The following MYO1F variants were observed in gnomAD, a reference collection of about 807,000 sequenced individuals.
The protein encoded by MYO1F is myosin IF.
Under a neutral mutation model 146.6 loss-of-function variants are expected in MYO1F, and 60 were observed. That is an observed-to-expected ratio of 0.41 (90% confidence interval 0.33 to 0.51). The LOEUF is 0.51. Among genes scored for constraint, MYO1F ranks in the 20% least tolerant of loss-of-function variants. The probability of loss-of-function intolerance (pLI) is 0.25; values close to 1 mark genes in which losing one functional copy is unlikely to be tolerated. For missense variants in MYO1F, 1,274 were observed against 1,534.3 expected, an observed-to-expected ratio of 0.83 and a Z score of 2.83; for synonymous variants, 602 against 602.1, an observed-to-expected ratio of 1.00 and a Z score of 0.00.
In MYO1F at chr19:8,553,894, A is replaced by ACTCTCTCTCT. The variant is rs530875155; in HGVS notation, c.327-467_327-458dup. Among the ~76,000 whole-genome samples the ACTCTCTCTCT allele has an allele frequency of 2.8e-3, 292 of 102,574 alleles. 4 individuals carry two copies. The highest frequency in any genetic ancestry group is 0.013 in the East Asian group (42 of 3,204). 67.3% of individuals were successfully genotyped at this position (102,574 alleles called of 152,430 possible). A position where few individuals can be genotyped will look rare whatever the true frequency, so the allele number is the denominator to read the frequency against. On this transcript the variant is annotated intron_variant, in intron 4 of 27. Transcript: ENST00000644032. ...CACACACACACACACACACACACAC[A>ACTCTCTCTCT]CTCTCTCTCTCTCTCTCTCTCTCTC...
At chr19:8,540,161 G>A (rs906960116) in intron 15 of MYO1F, 133 bp from the exon 16 acceptor site, 3 of 664,612 alleles carry the variant, frequency 4.5e-6, no homozygotes, top group Non-Finnish European at 5.1e-6. Flanking sequence ...GCTGTGATGG[G>A]TGAGATGCAG....
At chr19:8,562,582 C>A (rs1402184987) in intron 1 of MYO1F, among the ~76,000 whole-genome samples, 1 of 152,168 alleles carries the variant, frequency 6.6e-6, no homozygotes, top group Non-Finnish European at 1.5e-5. Flanking sequence ...GTTGCCCAGG[C>A]TGGAGTGCAG....
rs375735954 is a variant in MYO1F, at chr19:8,544,495, C to T, written c.1357-31G>A. 1.3e-3 allele frequency: 2,037 copies of T among 1,595,532 alleles called. 1 individual carries two copies. Among genetic ancestry groups the T allele is most frequent in the Non-Finnish European group, 1.6e-3 (1,922 of 1,177,216 alleles). On this transcript the variant is annotated intron_variant, in intron 13 of 27. Coordinates refer to ENST00000644032, the MANE Select transcript of MYO1F (RefSeq NM_012335.4). ...GGGCGAGCGGGAGCCAGCAGCGGCT[C>T]AGTTTGGTCTGCCTTGCCTCCCCAC...
At chr19:8,555,480 C>CAGT in intron 2 of MYO1F, 179 bp downstream of exon 2, 1 of 716,064 alleles carries the variant, frequency 1.4e-6, no homozygotes, top group South Asian at 1.7e-5. Flanking sequence ...ACAGAGGGAG[C>CAGT]AGTGGCAGCC....
chr19:8,555,769 T>C lies in MYO1F; in HGVS notation c.31A>G (p.Ser11Gly). 1.2e-6 allele frequency: 2 copies of C among 1,613,908 alleles called. No homozygotes were observed. Among genetic ancestry groups the C allele is most frequent in the Non-Finnish European group, 1.7e-6 (2 of 1,180,002 alleles). The change falls in exon 2 of 28, where the codon AGC (serine) becomes GGC (glycine). Residue 11 changes from serine to glycine, a missense_variant. Coordinates refer to ENST00000644032, the MANE Select transcript of MYO1F (RefSeq NM_012335.4). MGSKERFHWQ[S>G]HNVKQSGVDD... ...ACGCCGCTCTGCTTCACGTTGTGGC[T>C]CTGCCAGTGGAAGCGCTCCTTGCTG...
chr19:8,543,829 T>C (rs1282450063), intron 14 of MYO1F, among the ~76,000 whole-genome samples: 1 of 24,322 alleles, frequency 4.1e-5, no homozygotes, highest in Admixed American at 4.6e-4. Context: ...GTGGTGGTGG[T>C]GGTGGTGGTG....
chr19:8,536,132 T>C, intron 19 of MYO1F, 120 bp downstream of exon 19: 1 of 1,264,498 alleles, frequency 7.9e-7, no homozygotes, highest in Non-Finnish European at 1.1e-6. Context: ...AATTTCTCAA[T>C]CTATCAGTCT....
At chr19:8,574,673 TTC>T (rs1568381806) in intron 1 of MYO1F, among the ~76,000 whole-genome samples, 2 of 125,484 alleles carry the variant, frequency 1.6e-5, no homozygotes, top group African/African-American at 5.6e-5. Context: ...CTTTCTCTCT[TTC>T]TTTCTTTCTT....
intron 1 of MYO1F, among the ~76,000 whole-genome samples, chr19:8,563,911 G>A (rs1387013189): frequency 6.6e-5 from 10 of 152,134 alleles, no homozygotes; most frequent in African/African-American, 2.4e-4. Flanking sequence ...TTATAGGCAT[G>A]AGCCACTGCG....
At chr19:8,525,638 T>C (rs953669940) in intron 24 of MYO1F, 76 bp from the exon 25 acceptor site, 4 of 1,299,192 alleles carry the variant, frequency 3.1e-6, no homozygotes, top group Non-Finnish European at 4.4e-6. Context: ...TAGTCCATTC[T>C]GAGGCTCCGC....
intron 1 of MYO1F, among the ~76,000 whole-genome samples, chr19:8,575,041 C>T (rs1331911124): frequency 6.6e-6 from 1 of 151,718 alleles, no homozygotes; most frequent in African/African-American, 2.4e-5. Flanking sequence ...CAGGCATGAG[C>T]CACTGCACCC....
At position 8,553,221 on chromosome 19, in the gene MYO1F, TTGACG is replaced by T; in HGVS notation, c.417_421del (p.His139GlnfsTer33). The T allele has an allele frequency of 6.2e-7, 1 of 1,614,152 alleles. No homozygotes were observed. Among genetic ancestry groups the T allele is most frequent in the Non-Finnish European group, 8.5e-7 (1 of 1,180,024 alleles). On this transcript the variant is annotated frameshift_variant and splice_region_variant, in exon 6 of 28. Transcript: ENST00000644032. LOFTEE classifies it high-confidence loss of function. Reference sequence around the variant, plus strand: ...CGGGTTGGACTGCAGGATGATATCTTTGACGTGCTGGGGCAGAGGCAGGTGGAGTG... The same window carrying T: ...CGGGTTGGACTGCAGGATGATATCTTTGCTGGGGCAGAGGCAGGTGGAGTG...
intron 1 of MYO1F, among the ~76,000 whole-genome samples, chr19:8,564,141 G>A (rs2041958075): frequency 1.3e-5 from 2 of 152,208 alleles, no homozygotes; most frequent in South Asian, 4.1e-4. Context: ...AGCACTTTGG[G>A]AGGCCAAGGT....
At chr19:8,572,000 G>T (rs2042119470) in intron 1 of MYO1F, among the ~76,000 whole-genome samples, 1 of 152,200 alleles carries the variant, frequency 6.6e-6, no homozygotes, top group African/African-American at 2.4e-5. Context: ...TGGGATTACA[G>T]GCGTAAGCCA....
intron 22 of MYO1F, 23 bp downstream of exon 22, chr19:8,527,315 G>T: frequency 6.2e-7 from 1 of 1,613,832 alleles, no homozygotes; most frequent in Non-Finnish European, 8.5e-7. Context: ...GTGACTGTGC[G>T]GCAGGTAAGG....
At chr19:8,568,577 G>T (rs1001771601) in intron 1 of MYO1F, among the ~76,000 whole-genome samples, 14 of 152,130 alleles carry the variant, frequency 9.2e-5, no homozygotes, top group African/African-American at 3.4e-4. Flanking sequence ...GACTGACTGT[G>T]TGACTCTGGG....
At chr19:8,540,712 C>CAA (rs930566549) in intron 15 of MYO1F, among the ~76,000 whole-genome samples, 24 of 76,430 alleles carry the variant, frequency 3.1e-4, no homozygotes, top group East Asian at 3.7e-4. Context: ...ACACTGTCTC[C>CAA]AAAAAAAAAA....
chr19:8,527,604 G>A, intron 21 of MYO1F, 121 bp from the exon 22 acceptor site: 1 of 1,252,954 alleles, frequency 8.0e-7, no homozygotes, highest in East Asian at 2.5e-5. Flanking sequence ...AGCCCTCCAG[G>A]TGAAGGTGTA....
At position 8,522,811 on chromosome 19, in the gene MYO1F, AC is replaced by A. The variant is rs769881987; in HGVS notation, c.2872del (p.Val958CysfsTer103). 2.5e-6 allele frequency: 4 copies of A among 1,578,620 alleles called. No homozygotes were observed. Among genetic ancestry groups the A allele is most frequent in the Non-Finnish European group, 2.6e-6 (3 of 1,165,726 alleles). ...GGGGCCCCCTCTGGCAGAGGGGGGC[AC>A]CCCATTGCGATCCATGCCTGTGGCA... The part of the protein sequence containing the change: ...APPRGMDRNG[V>X]PPSARGGPLP... On this transcript the variant is annotated frameshift_variant, in exon 26 of 28. Transcript: ENST00000644032. LOFTEE classifies it high-confidence loss of function.
Sources: allele counts gnomAD v4.1 joint callset (sites outside exome capture counted in the v4.1 genomes callset), GRCh38; gene constraint gnomAD v4.1.1; transcripts MANE v1.5; gene names NCBI Gene and HGNC (gene_info 2026-07-23, HGNC 2026-07-21).